CNTFR: variants seen among roughly 807,000 people sequenced by gnomAD.
CNTFR encodes the protein ciliary neurotrophic factor receptor subunit alpha.
CNTFR carries 12 observed loss-of-function variants against 40.4 expected under a neutral mutation model. The ratio of observed to expected loss-of-function variants is 0.30; its 90% CI spans 0.19 to 0.48. CNTFR has a LOEUF of 0.48. CNTFR is among the 20% of genes least tolerant of loss of function. The probability of loss-of-function intolerance (pLI) is 0.99; values close to 1 mark genes in which losing one functional copy is unlikely to be tolerated. For synonymous variants in CNTFR, 202 were observed against 209.6 expected, an observed-to-expected ratio of 0.96 and a Z score of 0.31; for missense variants, 414 against 506.8, an observed-to-expected ratio of 0.82 and a Z score of 1.76.
At chr9:34,560,957 A>G (rs1193446227) in intron 4 of CNTFR, among the ~76,000 whole-genome samples, 1 of 152,164 alleles carries the variant, frequency 6.6e-6, no homozygotes, top group African/African-American at 2.4e-5. Context: ...CCCGGCACGC[A>G]TGAGGCCTGC....
intron 2 of CNTFR, among the ~76,000 whole-genome samples, chr9:34,571,917 T>C (rs780047927): frequency 3.3e-5 from 5 of 151,630 alleles, no homozygotes; most frequent in Non-Finnish European, 7.4e-5. Flanking sequence ...ATATAGGAGA[T>C]GGGCAGAGAC....
intron 2 of CNTFR, among the ~76,000 whole-genome samples, chr9:34,574,213 G>A (rs926633093): frequency 7.2e-5 from 11 of 152,124 alleles, no homozygotes; most frequent in Non-Finnish European, 1.2e-4. Flanking sequence ...AGGGAAGGGC[G>A]GGCCTAGGTC....
chr9:34,565,444 C>T (rs370626204), intron 3 of CNTFR, among the ~76,000 whole-genome samples: 5 of 152,274 alleles, frequency 3.3e-5, no homozygotes, highest in South Asian at 2.1e-4. Flanking sequence ...CACAACAACC[C>T]GCCCCTCAGC....
intron 4 of CNTFR, among the ~76,000 whole-genome samples, chr9:34,561,963 A>G (rs1333631546): frequency 1.3e-5 from 2 of 152,210 alleles, no homozygotes; most frequent in Non-Finnish European, 2.9e-5. Flanking sequence ...TCTATATAAA[A>G]GGTCTGGGCC....
At chr9:34,582,552 A>C (rs1296557955) in intron 1 of CNTFR, 1 of 152,228 alleles carries the variant, frequency 6.6e-6, no homozygotes, top group Non-Finnish European at 1.5e-5. Context: ...TATATCTGCC[A>C]AAGGTATGAT....
chr9:34,575,727 A>G (rs1055216159), intron 2 of CNTFR, among the ~76,000 whole-genome samples: 4 of 129,168 alleles, frequency 3.1e-5, no homozygotes, highest in African/African-American at 1.2e-4. Flanking sequence ...GCAGCAGTGC[A>G]TGTGATGCAT....
In CNTFR at chr9:34,556,250, C is replaced by G; in HGVS notation, c.768+5G>C. On this transcript the variant is annotated splice_donor_5th_base_variant and intron_variant, in intron 7 of 9. Coordinates refer to ENST00000378980, the MANE Select transcript of CNTFR (RefSeq NM_147164.3). ...CCCAGGATCTTGGCCGGGCAGGGCA[C>G]TCACATGCTGCCACTGGTCCAGGAT... is the stretch of plus-strand genomic sequence containing the variant. 1 of 1,609,002 alleles carries G rather than the reference C, an allele frequency of 6.2e-7. No individual in the cohort carries two copies. Among genetic ancestry groups the G allele is most frequent in the South Asian group, 1.1e-5 (1 of 90,378 alleles).
chr9:34,559,346 G>A (rs973353438), intron 4 of CNTFR, among the ~76,000 whole-genome samples: 1 of 152,210 alleles, frequency 6.6e-6, no homozygotes, highest in African/African-American at 2.4e-5. Flanking sequence ...CTTTGCAGCA[G>A]AAGAGATGAG....
At chr9:34,567,055 C>A (rs1048669547) in intron 3 of CNTFR, among the ~76,000 whole-genome samples, 2 of 152,184 alleles carry the variant, frequency 1.3e-5, no homozygotes, top group African/African-American at 4.8e-5. Flanking sequence ...ATACACGCAG[C>A]CATGCAACTG....
chr9:34,580,572 C>A (rs912310299), intron 2 of CNTFR, among the ~76,000 whole-genome samples: 1 of 152,200 alleles, frequency 6.6e-6, no homozygotes, highest in African/African-American at 2.4e-5. Flanking sequence ...TAGGCCCTTC[C>A]GTTCCGCTCC....
chr9:34,590,233 C>T (rs562135049), upstream of CNTFR: 189 of 153,700 alleles, frequency 1.2e-3, no homozygotes, highest in Non-Finnish European at 2.2e-3. Context: ...CACTCACCCC[C>T]GGGATCGCTC....
chr9:34,556,531 A>G, intron 6 of CNTFR, 113 bp from the exon 7 acceptor site: 1 of 1,041,858 alleles, frequency 9.6e-7, no homozygotes, highest in Non-Finnish European at 1.4e-6. Flanking sequence ...CATCAACATC[A>G]TAGTCAGCGT....
intron 1 of CNTFR, among the ~76,000 whole-genome samples, chr9:34,584,483 T>C (rs1476198085): frequency 6.6e-6 from 1 of 152,218 alleles, no homozygotes; most frequent in Non-Finnish European, 1.5e-5. Flanking sequence ...ACTCCTGGGC[T>C]CTGGCTGGAC....
intron 1 of CNTFR, among the ~76,000 whole-genome samples, chr9:34,586,581 C>A (rs554393512): frequency 6.6e-6 from 1 of 152,144 alleles, no homozygotes; most frequent in Non-Finnish European, 1.5e-5. Context: ...TTATTTCCCC[C>A]ACCTGGCCCT....
At chr9:34,560,981 C>G (rs10814122) in intron 4 of CNTFR, among the ~76,000 whole-genome samples, 149,273 of 152,312 alleles carry the variant, frequency 0.98, 73,218 homozygotes, top group East Asian at 1. Flanking sequence ...CCGGCCCAGA[C>G]AGGAGGAGGG....
At position 34,553,000 on chromosome 9, in the gene CNTFR, A is replaced by C; in HGVS notation, c.769-146T>G. 1 of 711,790 alleles carries C rather than the reference A, an allele frequency of 1.4e-6. No homozygotes were observed. Among genetic ancestry groups the C allele is most frequent in the South Asian group, 1.8e-5 (1 of 55,806 alleles). 44.1% of individuals were successfully genotyped at this position (711,790 alleles called of 1,614,324 possible). ...GGACTTCCCTGAGGAGAAGGAGGAC[A>C]TGGAGAATATTCTTGCCAGAGACTG... On this transcript the variant is annotated intron_variant, in intron 7 of 9. Coordinates refer to ENST00000378980, the MANE Select transcript of CNTFR (RefSeq NM_147164.3). This position sits in a 1 kb window ranked among gnomAD's most constrained non-coding sequence, Gnocchi z 5.1.
At position 34,552,184 on chromosome 9, in the gene CNTFR, GGCGGCA is replaced by G; in HGVS notation, c.1089_1094del (p.Ala364_Ala365del). Reference sequence around the variant, plus strand: ...ACCAGATCAAGAGACTGCTGGCAGTGGCGGCAGCGGCAGCCAGGGCCAGAGTGATGG... The same window carrying G: ...ACCAGATCAAGAGACTGCTGGCAGTGGCGGCAGCCAGGGCCAGAGTGATGG... On this transcript the variant is annotated inframe_deletion, in exon 9 of 10. Coordinates refer to ENST00000378980, the MANE Select transcript of CNTFR (RefSeq NM_147164.3). The surrounding 1 kb of genome is among the most constrained non-coding windows in gnomAD (Gnocchi z 5.1). 6.3e-7 allele frequency: 1 copy of G among 1,594,314 alleles called. No homozygotes were observed. Among genetic ancestry groups the G allele is most frequent in the Non-Finnish European group, 8.5e-7 (1 of 1,170,974 alleles).
intron 2 of CNTFR, among the ~76,000 whole-genome samples, chr9:34,578,442 G>GCAC (rs1827107484): frequency 6.6e-6 from 1 of 152,178 alleles, no homozygotes; most frequent in Non-Finnish European, 1.5e-5. Flanking sequence ...CCACACCCAG[G>GCAC]GGTGGCCGGG....
intron 4 of CNTFR, among the ~76,000 whole-genome samples, chr9:34,558,223 G>A (rs1168882723): frequency 6.6e-6 from 1 of 152,222 alleles, no homozygotes; most frequent in Non-Finnish European, 1.5e-5. Flanking sequence ...CCTGCTCAAT[G>A]GAGGCAGGAA....
Sources: allele counts gnomAD v4.1 joint callset (sites outside exome capture counted in the v4.1 genomes callset), GRCh38; gene constraint gnomAD v4.1.1; non-coding constraint Gnocchi (gnomAD v3.1); transcripts MANE v1.5; gene names NCBI Gene and HGNC (gene_info 2026-07-23, HGNC 2026-07-21).